Variants in ADAMTSL3 observed in about 807,000 individuals in gnomAD.
ADAMTSL3 encodes the protein ADAMTS like 3.
A neutral mutation model predicts 201.7 loss-of-function variants in ADAMTSL3; 128 were observed. That is an observed-to-expected ratio of 0.63 (90% CI 0.55 to 0.73). The LOEUF (loss-of-function observed/expected upper bound fraction) is 0.73, where lower values mean the gene tolerates loss of function less well. Ranked by LOEUF, ADAMTSL3 falls within the 30% of genes least tolerant of loss-of-function variation. The pLI is 0.00. For missense variants in ADAMTSL3, 1,990 were observed against 2,119.6 expected (o/e 0.94, Z 1.20); for synonymous variants, 738 against 748.4 (o/e 0.99, Z 0.23).
intron 16 of ADAMTSL3, among the ~76,000 whole-genome samples, chr15:83,923,336 T>C (rs1418663784): frequency 1.3e-5 from 2 of 152,206 alleles, no homozygotes; most frequent in Non-Finnish European, 2.9e-5. Flanking sequence ...TTGTACACTT[T>C]CCAAATAGGA....
chr15:83,987,799 T>C (rs1373769199), intron 21 of ADAMTSL3, among the ~76,000 whole-genome samples: 1 of 152,172 alleles, frequency 6.6e-6, no homozygotes. Flanking sequence ...CATTTCATGA[T>C]GAAACATACA....
intron 3 of ADAMTSL3, among the ~76,000 whole-genome samples, chr15:83,766,127 C>T (rs970577191): frequency 6.6e-6 from 1 of 152,212 alleles, no homozygotes; most frequent in Non-Finnish European, 1.5e-5. Context: ...TCCCAGCTCT[C>T]CTAACCAAGG....
chr15:83,943,583 A>G (rs2066603850), intron 19 of ADAMTSL3, among the ~76,000 whole-genome samples: 2 of 152,388 alleles, frequency 1.3e-5, no homozygotes, highest in Middle Eastern at 6.8e-3. Flanking sequence ...CAGTGCTGGC[A>G]GGGCTTGACC....
chr15:84,016,891 C>T (rs1275338210), intron 25 of ADAMTSL3, among the ~76,000 whole-genome samples: 1 of 152,092 alleles, frequency 6.6e-6, no homozygotes, highest in Non-Finnish European at 1.5e-5. Flanking sequence ...TACACACCAA[C>T]TTTGTTATGC....
At chr15:83,688,708 T>A (rs1470766106) in intron 2 of ADAMTSL3, among the ~76,000 whole-genome samples, 1 of 147,814 alleles carries the variant, frequency 6.8e-6, no homozygotes, top group Admixed American at 6.8e-5. Context: ...ACTTTCTCAT[T>A]GATACAAAAA....
intron 3 of ADAMTSL3, among the ~76,000 whole-genome samples, chr15:83,716,113 C>T (rs2062014171): frequency 6.6e-6 from 1 of 152,150 alleles, no homozygotes; most frequent in Admixed American, 6.5e-5. Context: ...TCTGCAATTC[C>T]CATGGACATG....
chr15:83,663,358 A>G (rs1393177343), intron 2 of ADAMTSL3, among the ~76,000 whole-genome samples: 3 of 152,108 alleles, frequency 2.0e-5, no homozygotes, highest in African/African-American at 7.2e-5. Flanking sequence ...GCTGTGTTCC[A>G]TTGTAGTTAT....
intron 5 of ADAMTSL3, among the ~76,000 whole-genome samples, chr15:83,819,556 A>G (rs552886834): frequency 2.0e-5 from 3 of 152,212 alleles, no homozygotes; most frequent in Admixed American, 2.0e-4. Context: ...TATCTGGAAA[A>G]AATACCTGGG....
intron 2 of ADAMTSL3, among the ~76,000 whole-genome samples, chr15:83,685,938 T>C (rs1246741029): frequency 1.3e-5 from 2 of 152,232 alleles, no homozygotes; most frequent in East Asian, 3.9e-4. Flanking sequence ...TCCCTGTGAC[T>C]TCCCCCGGTA....
intron 23 of ADAMTSL3, 24 bp downstream of exon 23, chr15:83,991,238 A>G: frequency 6.2e-7 from 1 of 1,613,622 alleles, no homozygotes; most frequent in Non-Finnish European, 8.5e-7. Flanking sequence ...TTTCAGTGGG[A>G]GGCCATTTCA....
intron 6 of ADAMTSL3, among the ~76,000 whole-genome samples, chr15:83,824,123 A>C (rs2063964379): frequency 6.6e-6 from 1 of 150,584 alleles, no homozygotes; most frequent in Non-Finnish European, 1.5e-5. Context: ...GCCTCATTGC[A>C]GACTCATCCT....
At chr15:84,037,212 G>A (rs2068528399) in intron 29 of ADAMTSL3, among the ~76,000 whole-genome samples, 2 of 152,202 alleles carry the variant, frequency 1.3e-5, no homozygotes, top group Non-Finnish European at 1.5e-5. Context: ...TTAGTAGCAT[G>A]CCAGCATCAT....
chr15:83,869,905 G>A (rs908375098), intron 8 of ADAMTSL3, among the ~76,000 whole-genome samples: 1 of 152,046 alleles, frequency 6.6e-6, no homozygotes, highest in Non-Finnish European at 1.5e-5. Context: ...GGCCAGAAAC[G>A]CAGGTGCCCC....
chr15:83,983,405 T>TCAAATA, intron 21 of ADAMTSL3, 61 bp downstream of exon 21: 1 of 1,194,254 alleles, frequency 8.4e-7, no homozygotes, highest in South Asian at 2.1e-5. Context: ...CTATTCCAGT[T>TCAAATA]TTCTTGAAAA....
chr15:83,866,446 C>T (rs1318146377), intron 8 of ADAMTSL3, among the ~76,000 whole-genome samples: 1 of 152,206 alleles, frequency 6.6e-6, no homozygotes, highest in Non-Finnish European at 1.5e-5. Flanking sequence ...AGGATGAGTT[C>T]ATGTCCTTTG....
At chr15:83,741,214 A>G (rs2062449454) in intron 3 of ADAMTSL3, among the ~76,000 whole-genome samples, 1 of 150,668 alleles carries the variant, frequency 6.6e-6, no homozygotes, top group Non-Finnish European at 1.5e-5. Context: ...ATATTATATT[A>G]ATTATAATAC....
At chr15:83,784,062 GA>G (rs1432214482) in intron 4 of ADAMTSL3, among the ~76,000 whole-genome samples, 3 of 152,142 alleles carry the variant, frequency 2.0e-5, no homozygotes, top group Non-Finnish European at 4.4e-5. Context: ...GCATTCACAA[GA>G]AAAAACATTG....
rs535292039 is a variant in ADAMTSL3, at chr15:83,663,408, T to C, written c.69+7578T>C. On this transcript the variant is annotated intron_variant, in intron 2 of 29. Transcript: ENST00000286744. Reference sequence around the variant, plus strand: ...GGCATAAGTGGCATTATGTGTTATTTAAACCCATTATTTCCTTATTGAATA... The same window carrying C: ...GGCATAAGTGGCATTATGTGTTATTCAAACCCATTATTTCCTTATTGAATA... 1.1e-4 allele frequency among the ~76,000 whole-genome samples: 17 copies of C among 152,374 alleles called. 1 individual carries two copies. In the South Asian group the frequency reaches 3.5e-3, roughly 32 times the overall value.
chr15:83,808,065 G>A (rs545909980), intron 5 of ADAMTSL3, among the ~76,000 whole-genome samples: 13 of 152,250 alleles, frequency 8.5e-5, no homozygotes, highest in Middle Eastern at 3.4e-3. Context: ...GCTTCATGAC[G>A]TTGGACTGGG....
Sources: gnomAD v4.1 joint callset for allele counts (sites outside exome capture counted in the v4.1 genomes callset) on GRCh38, gnomAD v4.1.1 for gene constraint, MANE v1.5 for transcripts, NCBI Gene and HGNC (gene_info 2026-07-23, HGNC 2026-07-21) for gene names.